Variants in PCDHAC1 observed in about 807,000 individuals in gnomAD.
PCDHAC1 encodes protocadherin alpha subfamily C, 1, also known as protocadherin alpha-C1.
A neutral mutation model predicts 60.0 loss-of-function variants in PCDHAC1; 42 were observed. The ratio of observed to expected loss-of-function variants is 0.70; its 90% confidence interval spans 0.55 to 0.90. The LOEUF (loss-of-function observed/expected upper bound fraction) is 0.90. Among genes scored for constraint, PCDHAC1 ranks in the 40% least tolerant of loss-of-function variants. The pLI is 0.00. For missense variants in PCDHAC1, 1,160 were observed against 1,222.3 expected (o/e 0.95, Z 0.76); for synonymous variants, 468 against 499.3 (o/e 0.94, Z 0.84).
intron 1 of PCDHAC1, 79 bp from the exon 2 acceptor site, chr5:140,978,870 G>T: frequency 6.2e-7 from 1 of 1,606,988 alleles, no homozygotes; most frequent in Non-Finnish European, 8.5e-7. Context: ...ATTTAAGGGA[G>T]TAACTAATCA....
chr5:140,937,130 C>T (rs899242411), intron 1 of PCDHAC1, among the ~76,000 whole-genome samples: 12 of 151,674 alleles, frequency 7.9e-5, no homozygotes, highest in Non-Finnish European at 1.3e-4. Flanking sequence ...CTCCGCCTCC[C>T]GGGTTCATGC....
In PCDHAC1 at chr5:140,987,930, G is replaced by T. The variant is rs554856826; in HGVS notation, c.2581+5367G>T. Among the ~76,000 whole-genome samples, 18 of 152,196 alleles carry T rather than the reference G, an allele frequency of 1.2e-4. No individual in the cohort carries two copies. The South Asian group carries it at 2.1e-3, about 18-fold the overall frequency. Reference sequence around the variant, plus strand: ...GATTTATATTCTTAATTGTCTCAAGGATTCTTACCTGTCTGACAAAACCAA... The same window carrying T: ...GATTTATATTCTTAATTGTCTCAAGTATTCTTACCTGTCTGACAAAACCAA... On this transcript the variant is annotated intron_variant, in intron 3 of 3. Transcript: ENST00000253807.
chr5:140,967,088 GAGGCGCTGTGTGAGC>G, intron 1 of PCDHAC1: 1 of 1,613,226 alleles, frequency 6.2e-7, no homozygotes, highest in Non-Finnish European at 8.5e-7. Context: ...CATTGATCGG[GAGGCGCTGTGTGAGC>G]AGCGGCCTCG....
At chr5:140,983,740 C>A (rs1250895126) in intron 3 of PCDHAC1, among the ~76,000 whole-genome samples, 1 of 152,190 alleles carries the variant, frequency 6.6e-6, no homozygotes, top group African/African-American at 2.4e-5. Context: ...GGCTGGCTTG[C>A]AATAATCCAT....
chr5:140,979,870 A>G (rs376036380), intron 2 of PCDHAC1, among the ~76,000 whole-genome samples: 2 of 152,388 alleles, frequency 1.3e-5, no homozygotes, highest in South Asian at 2.1e-4. Context: ...TATCTGGGCA[A>G]CTATCAAGTG....
At chr5:140,946,249 C>T (rs930979647) in intron 1 of PCDHAC1, among the ~76,000 whole-genome samples, 2 of 151,896 alleles carry the variant, frequency 1.3e-5, no homozygotes, top group Admixed American at 6.6e-5. Flanking sequence ...CATCATGAAT[C>T]ATCAGAAAAA....
intron 1 of PCDHAC1, among the ~76,000 whole-genome samples, chr5:140,977,549 A>G (rs2096765562): frequency 6.6e-6 from 1 of 152,210 alleles, no homozygotes; most frequent in African/African-American, 2.4e-5. Flanking sequence ...TTGCATATGC[A>G]TATCTTGCTA....
At position 140,927,237 on chromosome 5, in the gene PCDHAC1, G is replaced by A. The variant is rs1554204217; in HGVS notation, c.345G>A (p.Leu115=). 2 of 1,614,110 alleles carry A rather than the reference G, an allele frequency of 1.2e-6. No individual in the cohort carries two copies. Among genetic ancestry groups the A allele is most frequent in the Admixed American group, 1.7e-5 (1 of 60,024 alleles). ...TGCACAAGATTCGGATTCACGTCCT[G>A]GACACCAATGACAACTCACCTCTCT... is the stretch of plus-strand genomic sequence containing the variant. ...LELHKIRIHV[L]DTNDNSPLFP... The change falls in exon 1 of 4, where the codon CTG becomes CTA. Residue 115 remains leucine, a synonymous_variant. Transcript: ENST00000253807.
intron 3 of PCDHAC1, among the ~76,000 whole-genome samples, chr5:141,001,290 G>A (rs2098005878): frequency 6.6e-6 from 1 of 152,100 alleles, no homozygotes; most frequent in Non-Finnish European, 1.5e-5. Flanking sequence ...GATGAAAACT[G>A]AGGCCCAGAG....
chr5:141,010,618 G>T lies in PCDHAC1; in HGVS notation c.*681G>T. The T allele has an allele frequency of 5.2e-6, 1 of 191,706 alleles. No individual in the cohort carries two copies. The highest frequency in any genetic ancestry group is 1.1e-5 in the Non-Finnish European group (1 of 92,168). 11.9% of individuals were successfully genotyped at this position (191,706 alleles called of 1,614,324 possible). ...TGTGACGTCATTATACCTAAAATCT[G>T]CATCATACCTGCAAGCCAACAGTTC... is the stretch of plus-strand genomic sequence containing the variant. On this transcript the variant is annotated 3_prime_UTR_variant, in exon 4 of 4. Coordinates refer to ENST00000253807, the MANE Select transcript of PCDHAC1 (RefSeq NM_018898.5).
At chr5:140,975,093 T>C (rs578045924) in intron 1 of PCDHAC1, among the ~76,000 whole-genome samples, 2 of 152,266 alleles carry the variant, frequency 1.3e-5, no homozygotes, top group South Asian at 2.1e-4. Context: ...ATCCAGTTGT[T>C]TGGGGACTGA....
At chr5:140,962,084 A>G (rs541325949) in intron 1 of PCDHAC1, among the ~76,000 whole-genome samples, 1 of 152,028 alleles carries the variant, frequency 6.6e-6, no homozygotes, top group African/African-American at 2.4e-5. Flanking sequence ...ACGGGGTTTC[A>G]CCATGTTAGC....
At chr5:140,988,556 C>A (rs574182013) in intron 3 of PCDHAC1, among the ~76,000 whole-genome samples, 1 of 152,158 alleles carries the variant, frequency 6.6e-6, no homozygotes, top group South Asian at 2.1e-4. Flanking sequence ...TCTTCATCTT[C>A]TTCTTGGGAA....
intron 3 of PCDHAC1, among the ~76,000 whole-genome samples, chr5:141,005,012 G>T (rs782256217): frequency 3.3e-5 from 5 of 152,212 alleles, no homozygotes; most frequent in Non-Finnish European, 4.4e-5. Context: ...CCTGAGAGCT[G>T]CATTATATAT....
chr5:140,968,330 G>A (rs1314697989), intron 1 of PCDHAC1: 2 of 1,613,974 alleles, frequency 1.2e-6, no homozygotes, highest in East Asian at 2.2e-5. Context: ...CACCTCCTAT[G>A]TCTCCATTAA....
At chr5:140,942,737 A>C (rs180744405) in intron 1 of PCDHAC1, among the ~76,000 whole-genome samples, 1 of 152,354 alleles carries the variant, frequency 6.6e-6, no homozygotes, top group East Asian at 1.9e-4. Context: ...AAAATATTTT[A>C]AAATCTTGTA....
intron 1 of PCDHAC1, among the ~76,000 whole-genome samples, chr5:140,960,713 A>C (rs1272219565): frequency 6.6e-6 from 1 of 150,862 alleles, no homozygotes; most frequent in Non-Finnish European, 1.5e-5. Context: ...CCAAATACTC[A>C]TCTTATTTTA....
chr5:140,946,631 T>TATATATATATATAC (rs57893927), intron 1 of PCDHAC1, among the ~76,000 whole-genome samples: 2,707 of 131,678 alleles, frequency 0.021, 122 homozygotes, highest in African/African-American at 0.036. Flanking sequence ...TATATATATA[T>TATATATATATATAC]ACAATGGAAT....
chr5:140,942,478 C>T (rs2093304158), intron 1 of PCDHAC1, among the ~76,000 whole-genome samples: 1 of 151,408 alleles, frequency 6.6e-6, no homozygotes, highest in African/African-American at 2.4e-5. Flanking sequence ...ATTCAAGCTA[C>T]AACTGAAATA....
Sources: allele counts gnomAD v4.1 joint callset (sites outside exome capture counted in the v4.1 genomes callset), GRCh38; gene constraint gnomAD v4.1.1; transcripts MANE v1.5; gene names NCBI Gene and HGNC (gene_info 2026-07-23, HGNC 2026-07-21).